LRRC7: variants seen among roughly 807,000 people sequenced by gnomAD.
LRRC7 encodes the protein leucine rich repeat containing 7.
A neutral mutation model predicts 175.7 loss-of-function variants in LRRC7; 23 were observed. That is an observed-to-expected ratio of 0.13 (90% CI 0.09 to 0.19). The LOEUF (loss-of-function observed/expected upper bound fraction) is 0.19, where lower values mean the gene tolerates loss of function less well. LRRC7 is among the 10% of genes least tolerant of loss of function. LRRC7 has a pLI of 1.00. For synonymous variants in LRRC7, 685 were observed against 680.9 expected, an observed-to-expected ratio of 1.01 and a Z score of -0.09; for missense variants, 1,354 against 1,904.7, an observed-to-expected ratio of 0.71 and a Z score of 5.38.
At chr1:69,851,978 G>T (rs1683042167) in intron 7 of LRRC7, among the ~76,000 whole-genome samples, 1 of 152,002 alleles carries the variant, frequency 6.6e-6, no homozygotes, top group African/African-American at 2.4e-5. Context: ...TAAGATGGGA[G>T]GTAAATGTGA....
At chr1:69,945,632 A>G (rs1459410616) in intron 8 of LRRC7, among the ~76,000 whole-genome samples, 1 of 152,114 alleles carries the variant, frequency 6.6e-6, no homozygotes, top group Non-Finnish European at 1.5e-5. Context: ...CCATCCATGA[A>G]TATAGGATAT....
intron 2 of LRRC7, among the ~76,000 whole-genome samples, chr1:69,687,630 T>C (rs1461308748): frequency 6.7e-6 from 1 of 149,146 alleles, no homozygotes; most frequent in African/African-American, 2.5e-5. Flanking sequence ...TCAACCTGAG[T>C]CAGTATTATG....
At chr1:69,607,002 T>G (rs1205112005) in intron 1 of LRRC7, 2 of 152,114 alleles carry the variant, frequency 1.3e-5, no homozygotes, top group African/African-American at 4.8e-5. Context: ...TGGAGAAACA[T>G]TTGGTTTTAT....
intron 1 of LRRC7, among the ~76,000 whole-genome samples, chr1:69,663,694 G>A (rs1009289711): frequency 9.0e-6 from 1 of 110,998 alleles, no homozygotes; most frequent in African/African-American, 3.6e-5. Context: ...TAGTTCAATC[G>A]TTTTAATTTT....
At position 70,143,775 on chromosome 1, in the gene LRRC7, G is replaced by T. The variant is rs1292209783; in HGVS notation, c.*21888G>T. 6.6e-6 allele frequency: 1 copy of T among 152,056 alleles called. No homozygotes were observed. Among genetic ancestry groups the T allele is most frequent in the Non-Finnish European group, 1.5e-5 (1 of 67,988 alleles). 9.4% of individuals were successfully genotyped at this position (152,056 alleles called of 1,614,324 possible). A position where few individuals can be genotyped will look rare whatever the true frequency, so the allele number is the denominator to read the frequency against. On this transcript the variant is annotated 3_prime_UTR_variant, in exon 27 of 27. Coordinates refer to ENST00000651989, the MANE Select transcript of LRRC7 (RefSeq NM_001370785.2). ...AAATCAAATCACAACATGTTTAACT[G>T]AAATGGCTGTATTGTAATTAATATT...
intron 3 of LRRC7, among the ~76,000 whole-genome samples, chr1:69,768,932 A>G (rs1266499130): frequency 6.6e-6 from 1 of 152,176 alleles, no homozygotes; most frequent in Non-Finnish European, 1.5e-5. Flanking sequence ...AGCAGTCAAG[A>G]TGTCATGGAA....
At chr1:69,987,940 A>C (rs983218961) in intron 10 of LRRC7, among the ~76,000 whole-genome samples, 4 of 152,274 alleles carry the variant, frequency 2.6e-5, no homozygotes, top group African/African-American at 9.6e-5. Context: ...TAAGATTCTG[A>C]TTCAGTAAAT....
At chr1:69,936,009 T>C (rs973407324) in intron 8 of LRRC7, among the ~76,000 whole-genome samples, 2 of 152,130 alleles carry the variant, frequency 1.3e-5, no homozygotes, top group African/African-American at 4.8e-5. Context: ...CTGTGTATTT[T>C]TTTTCCAGAG....
At position 70,038,458 on chromosome 1, in the gene LRRC7, T is replaced by C; in HGVS notation, c.2634T>C (p.Asn878=). The part of the protein sequence containing the change: ...HTPETEVPPS[N]PWQNWTRTPS... Reference sequence around the variant, plus strand: ...CAGAAACAGAAGTGCCTCCTTCCAATCCTTGGCAGAATTGGACCAGAACCC... The same window carrying C: ...CAGAAACAGAAGTGCCTCCTTCCAACCCTTGGCAGAATTGGACCAGAACCC... Residue 878 remains asparagine (N), a synonymous_variant, in exon 21 of 27, where the codon AAT becomes AAC. Coordinates refer to ENST00000651989, the MANE Select transcript of LRRC7 (RefSeq NM_001370785.2). 1.2e-6 allele frequency: 2 copies of C among 1,614,060 alleles called. No homozygotes were observed. Among genetic ancestry groups the C allele is most frequent in the South Asian group, 1.1e-5 (1 of 91,078 alleles).
intron 4 of LRRC7, among the ~76,000 whole-genome samples, chr1:69,816,897 T>C (rs1354141069): frequency 2.0e-5 from 3 of 152,060 alleles, no homozygotes; most frequent in African/African-American, 7.2e-5. Context: ...TGATGCCATA[T>C]TTGTCTTTCT....
chr1:69,583,511 A>T (rs1006269750), intron 1 of LRRC7, among the ~76,000 whole-genome samples: 20 of 152,278 alleles, frequency 1.3e-4, no homozygotes, highest in African/African-American at 4.8e-4. Context: ...GCTTTTATCC[A>T]GTAAAATATT....
chr1:70,043,923 A>G (rs752894292), intron 21 of LRRC7, 31 bp from the exon 22 acceptor site: 1 of 1,584,790 alleles, frequency 6.3e-7, no homozygotes, highest in Non-Finnish European at 8.6e-7. Flanking sequence ...ATGTGTTCAC[A>G]CCCTGTCACA....
intron 15 of LRRC7, among the ~76,000 whole-genome samples, chr1:70,019,594 C>T (rs762856567): frequency 6.6e-5 from 10 of 151,770 alleles, no homozygotes; most frequent in South Asian, 2.1e-4. Context: ...TAAAAGAAAC[C>T]ATTTGTTTAT....
chr1:69,711,375 G>A (rs772792733), intron 2 of LRRC7, among the ~76,000 whole-genome samples: 50 of 152,144 alleles, frequency 3.3e-4, no homozygotes, highest in Admixed American at 1.1e-3. Context: ...GACTGTTAGT[G>A]ATCATGTCAC....
At chr1:69,625,904 GT>G (rs1430911861) in intron 1 of LRRC7, among the ~76,000 whole-genome samples, 1 of 152,218 alleles carries the variant, frequency 6.6e-6, no homozygotes, top group South Asian at 2.1e-4. Context: ...TACAATGTGT[GT>G]TTTGCCATTG....
chr1:69,793,951 A>G (rs910930413), intron 4 of LRRC7, among the ~76,000 whole-genome samples: 1 of 150,982 alleles, frequency 6.6e-6, no homozygotes, highest in Non-Finnish European at 1.5e-5. Flanking sequence ...ATCACTGTGG[A>G]TAAGACTGAC....
chr1:69,915,160 G>A (rs967910314), intron 7 of LRRC7, among the ~76,000 whole-genome samples: 2 of 152,060 alleles, frequency 1.3e-5, no homozygotes, highest in African/African-American at 4.8e-5. Context: ...AGGCCAAATG[G>A]CAAAACCACA....
chr1:69,934,541 TG>T (rs1189517988), intron 8 of LRRC7, among the ~76,000 whole-genome samples: 1 of 151,572 alleles, frequency 6.6e-6, no homozygotes, highest in African/African-American at 2.4e-5. Flanking sequence ...TTTCATGAAT[TG>T]TTTTGCTCAA....
At chr1:69,726,259 A>T (rs548762755) in intron 2 of LRRC7, among the ~76,000 whole-genome samples, 1 of 152,184 alleles carries the variant, frequency 6.6e-6, no homozygotes, top group Non-Finnish European at 1.5e-5. Flanking sequence ...TTGAAGGGCC[A>T]TTCTATTTCT....
Sources: gnomAD v4.1 joint callset for allele counts (sites outside exome capture counted in the v4.1 genomes callset) on GRCh38, gnomAD v4.1.1 for gene constraint, MANE v1.5 for transcripts, NCBI Gene and HGNC (gene_info 2026-07-23, HGNC 2026-07-21) for gene names.